EXOC5: variants seen among roughly 807,000 people sequenced by gnomAD.
EXOC5 encodes exocyst complex component 5.
Under a neutral mutation model 90.8 loss-of-function variants are expected in EXOC5, and 17 were observed. The ratio of observed to expected loss-of-function variants is 0.19; its 90% CI spans 0.13 to 0.28. The LOEUF is 0.28. Among genes scored for constraint, EXOC5 ranks in the 10% least tolerant of loss-of-function variants. The probability of loss-of-function intolerance (pLI) is 1.00; values close to 1 mark genes in which losing one functional copy is unlikely to be tolerated. For missense variants in EXOC5, 569 were observed against 830.6 expected (o/e 0.69, Z 3.87); for synonymous variants, 260 against 270.0 (o/e 0.96, Z 0.36).
At chr14:57,241,810 T>G (rs749657561) in intron 4 of EXOC5, among the ~76,000 whole-genome samples, 39 of 152,058 alleles carry the variant, frequency 2.6e-4, no homozygotes, top group Non-Finnish European at 5.4e-4. Context: ...ATTATCCACA[T>G]GAGGAACAAT....
At chr14:57,262,535 CAT>C (rs1056587532) in intron 1 of EXOC5, among the ~76,000 whole-genome samples, 36 of 123,412 alleles carry the variant, frequency 2.9e-4, no homozygotes, top group South Asian at 1.3e-3. Flanking sequence ...AGTGTAAATA[CAT>C]ATGTGTGTGT....
intron 1 of EXOC5, among the ~76,000 whole-genome samples, chr14:57,267,773 T>C (rs1884721966): frequency 6.6e-6 from 1 of 152,226 alleles, no homozygotes; most frequent in South Asian, 2.1e-4. Flanking sequence ...GTTTAGATAC[T>C]GTAAACGCTC....
intron 15 of EXOC5, 141 bp from the exon 16 acceptor site, chr14:57,210,202 A>G (rs1361038603): frequency 1.9e-6 from 1 of 532,610 alleles, no homozygotes; most frequent in Non-Finnish European, 3.3e-6. Context: ...TAAACTTTAG[A>G]TATTAGAAAA....
chr14:57,247,044 A>G (rs1215337359), intron 2 of EXOC5, among the ~76,000 whole-genome samples, 186 bp from the exon 3 acceptor site: 2 of 152,202 alleles, frequency 1.3e-5, no homozygotes, highest in South Asian at 2.1e-4. Flanking sequence ...CTGTAATTTC[A>G]TAACTTCCTC....
intron 1 of EXOC5, among the ~76,000 whole-genome samples, chr14:57,267,203 A>C (rs1409355477): frequency 6.6e-6 from 1 of 152,238 alleles, no homozygotes; most frequent in African/African-American, 2.4e-5. Context: ...CAGATGGCAC[A>C]ATTTTGGAAT....
At chr14:57,226,538 C>T (rs2139628566) in intron 12 of EXOC5, among the ~76,000 whole-genome samples, 1 of 152,102 alleles carries the variant, frequency 6.6e-6, no homozygotes, top group East Asian at 1.9e-4. Context: ...AGACATAATA[C>T]AAAATGATTT....
chr14:57,209,563 A>G lies in EXOC5; in HGVS notation c.1938+4T>C, dbSNP rs564637226. 2 of 1,589,234 alleles carry G rather than the reference A, an allele frequency of 1.3e-6. No homozygotes were observed. Among genetic ancestry groups the G allele is most frequent in the Admixed American group, 1.7e-5 (1 of 59,414 alleles). The stretch of plus-strand genomic sequence containing the variant: ...GCAAGTTTGATGTTTTTGTGTACAC[A>G]TACCTTGAAGTCTTTGGCACACTTC... On this transcript the variant is annotated splice_donor_region_variant and intron_variant, in intron 17 of 17. Coordinates refer to ENST00000621441, the MANE Select transcript of EXOC5 (RefSeq NM_006544.4).
At chr14:57,212,899 C>A (rs1442560463) in intron 15 of EXOC5, among the ~76,000 whole-genome samples, 1 of 152,208 alleles carries the variant, frequency 6.6e-6, no homozygotes, top group South Asian at 2.1e-4. Flanking sequence ...TCTTTCGATA[C>A]ATAATCAAGA....
chr14:57,205,707 G>T lies in EXOC5; in HGVS notation c.*2902C>A. 1 of 360,106 alleles carries T rather than the reference G, an allele frequency of 2.8e-6. No individual in the cohort carries two copies. Among genetic ancestry groups the T allele is most frequent in the East Asian group, 7.6e-5 (1 of 13,122 alleles). 22.3% of individuals were successfully genotyped at this position (360,106 alleles called of 1,614,324 possible). ...AAATTATTTCACTGTGAACCAGAAG[G>T]CTAGTATTTAGAAAGCAAAATATTT... On this transcript the variant is annotated 3_prime_UTR_variant, in exon 18 of 18. Coordinates refer to ENST00000621441, the MANE Select transcript of EXOC5 (RefSeq NM_006544.4).
chr14:57,243,246 AT>A (rs1358818125), intron 4 of EXOC5: 1 of 152,176 alleles, frequency 6.6e-6, no homozygotes, highest in Non-Finnish European at 1.5e-5. Flanking sequence ...GAAAAACTAA[AT>A]TTTTCAAAAA....
Position 57,246,820 on chromosome 14 carries a change from T to C in EXOC5, c.161A>G (p.Gln54Arg). The C allele has an allele frequency of 1.3e-5, 21 of 1,592,946 alleles. No individual in the cohort carries two copies. The highest frequency in any genetic ancestry group is 1.8e-5 in the Non-Finnish European group (21 of 1,165,600). ...EEFVNHIQEL[Q>R]IMDERIQRKV... ...CCTCTGAATCCTTTCATCCATTATC[T>C]GGAGTTCCTGAATATGATTTACAAA... The change falls in exon 3 of 18, where the codon CAG becomes CGG. Residue 54 changes from glutamine to arginine, a missense_variant. Around this residue, in one of 9 missense-constraint regions of EXOC5, gnomAD observed 45 missense variants for 44.6 expected, o/e 1.01. Transcript: ENST00000621441.
intron 12 of EXOC5, among the ~76,000 whole-genome samples, chr14:57,225,424 CAA>C (rs1437174364): frequency 6.6e-6 from 1 of 152,046 alleles, no homozygotes; most frequent in African/African-American, 2.4e-5. Context: ...AGAAATAATG[CAA>C]AGTGTTCACT....
chr14:57,215,244 G>A (rs1267731794), intron 15 of EXOC5, among the ~76,000 whole-genome samples: 1 of 149,924 alleles, frequency 6.7e-6, no homozygotes, highest in African/African-American at 2.5e-5. Flanking sequence ...AAAAAAAAAA[G>A]AAGAAGAAGA....
At chr14:57,209,529 G>A in intron 17 of EXOC5, 38 bp downstream of exon 17, 1 of 1,125,100 alleles carries the variant, frequency 8.9e-7, no homozygotes. Flanking sequence ...TATGCTCCTG[G>A]GCCTATTTGC....
chr14:57,255,988 C>T (rs1298942245), intron 1 of EXOC5, among the ~76,000 whole-genome samples: 1 of 152,168 alleles, frequency 6.6e-6, no homozygotes, highest in East Asian at 1.9e-4. Flanking sequence ...CTTATCATGA[C>T]TCCCAGTTTG....
intron 13 of EXOC5, among the ~76,000 whole-genome samples, chr14:57,221,458 G>GA (rs1200228864): frequency 2.6e-5 from 4 of 152,194 alleles, no homozygotes; most frequent in Non-Finnish European, 4.4e-5. Context: ...GGAGAGGCAA[G>GA]AATGTACACA....
chr14:57,244,541 C>T (rs535725356), intron 3 of EXOC5, among the ~76,000 whole-genome samples, 182 bp from the exon 4 acceptor site: 205 of 151,824 alleles, frequency 1.4e-3, no homozygotes, highest in Non-Finnish European at 2.5e-3. Context: ...ACTTTTATAC[C>T]ATTAACTATT....
intron 12 of EXOC5, among the ~76,000 whole-genome samples, chr14:57,227,438 C>A (rs960399182): frequency 6.6e-6 from 1 of 152,110 alleles, no homozygotes; most frequent in African/African-American, 2.4e-5. Flanking sequence ...TTCATGGACA[C>A]TGAGAGTTTG....
intron 12 of EXOC5, among the ~76,000 whole-genome samples, chr14:57,223,000 G>T (rs951641234): frequency 6.6e-6 from 1 of 151,800 alleles, no homozygotes; most frequent in Non-Finnish European, 1.5e-5. Flanking sequence ...TCAAATAATG[G>T]TTTTACCATT....
Sources: gnomAD v4.1 joint callset for allele counts (sites outside exome capture counted in the v4.1 genomes callset) on GRCh38, gnomAD v4.1.1 for gene constraint, gnomAD v4.1.1 regional missense constraint, MANE v1.5 for transcripts, NCBI Gene and HGNC (gene_info 2026-07-23, HGNC 2026-07-21) for gene names.